The following CHEK2 variants were observed in gnomAD, a reference collection of about 807,000 sequenced individuals.
The protein encoded by CHEK2 is checkpoint kinase 2.
In CHEK2, 71 loss-of-function variants were observed where a neutral mutation model predicts 69.1. The ratio of observed to expected loss-of-function variants is 1.03; its 90% CI spans 0.85 to 1.25. CHEK2 has a LOEUF of 1.25. Ranked by LOEUF, CHEK2 falls within the 50% of genes most tolerant of loss-of-function variation. The pLI is 0.00. For synonymous variants in CHEK2, 189 were observed against 226.9 expected (o/e 0.83, Z 1.50); for missense variants, 664 against 649.6 (o/e 1.02, Z -0.24).
At chr22:28,734,778 T>C (rs2146159256) in intron 1 of CHEK2, 51 bp from the exon 2 acceptor site, 8 of 1,455,930 alleles carry the variant, frequency 5.5e-6, no homozygotes, top group Middle Eastern at 1.8e-4. Flanking sequence ...GCACAAGACT[T>C]AAAATTAAAA....
At chr22:28,696,789 T>C (rs2052601326) in intron 10 of CHEK2, 112 bp downstream of exon 10, 1 of 732,544 alleles carries the variant, frequency 1.4e-6, no homozygotes, top group South Asian at 1.5e-5. Flanking sequence ...TTGGTAACAG[T>C]GAAAGGGTCA....
intron 6 of CHEK2, among the ~76,000 whole-genome samples, chr22:28,710,339 AC>A: frequency 6.6e-6 from 1 of 152,170 alleles, no homozygotes; most frequent in South Asian, 2.1e-4. Flanking sequence ...TCCCCATCTT[AC>A]AGATGGGGCA....
At position 28,724,937 on chromosome 22, in the gene CHEK2, GA is replaced by G. The variant is rs17880603; in HGVS notation, c.592+39del. 793 of 1,521,280 alleles carry G rather than the reference GA, an allele frequency of 5.2e-4. 4 individuals carry two copies. The African/African-American group carries it at 8.2e-3, about 16-fold the overall frequency. The allele number at this position is 1,521,280 out of a possible 1,614,324, so 94.2% of individuals were successfully genotyped here. ...CAAATTTTCCTCCTATGAGAGAGTGGAAAAAAAAAATTCCAGTAACCATAAG... is the reference window on the plus strand; with the variant it reads ...CAAATTTTCCTCCTATGAGAGAGTGGAAAAAAAAATTCCAGTAACCATAAG... On this transcript the variant is annotated intron_variant, in intron 4 of 14. Coordinates refer to ENST00000404276, the MANE Select transcript of CHEK2 (RefSeq NM_007194.4).
chr22:28,693,064 T>C lies in CHEK2; in HGVS notation c.1461+968A>G, dbSNP rs577222128. 1.2e-4 allele frequency among the ~76,000 whole-genome samples: 18 copies of C among 152,254 alleles called. 1 individual carries two copies. The highest frequency in any genetic ancestry group is 3.9e-4 in the African/African-American group (16 of 41,546). ...TTACCCAGTCTTGGGCAGTTCTTTA[T>C]AGCAGTGTGAGAACAGACTAATACA... On this transcript the variant is annotated intron_variant, in intron 13 of 14. Transcript: ENST00000404276.
Position 28,741,779 on chromosome 22 carries a change from C to T in CHEK2, c.-17G>A, listed in dbSNP as rs887273410. The T allele has an allele frequency of 2.8e-5, 13 of 462,828 alleles. No individual in the cohort carries two copies. The highest frequency in any genetic ancestry group is 3.9e-5 in the Non-Finnish European group (10 of 253,298). The allele number at this position is 462,828 out of a possible 1,614,324, so 28.7% of individuals were successfully genotyped here. On this transcript the variant is annotated 5_prime_UTR_variant, in exon 1 of 15. Coordinates refer to ENST00000404276, the MANE Select transcript of CHEK2 (RefSeq NM_007194.4). The stretch of plus-strand genomic sequence containing the variant: ...CCCCATATGACTCACCGCGTGAGCC[C>T]ACCTGGAGCCGCACACTCTCCGCAG...
At chr22:28,701,296 C>T (rs963765996) in intron 8 of CHEK2, among the ~76,000 whole-genome samples, 1 of 152,054 alleles carries the variant, frequency 6.6e-6, no homozygotes, top group Non-Finnish European at 1.5e-5. Flanking sequence ...CTACAACCTC[C>T]GCCTCCCAGG....
intron 7 of CHEK2, chr22:28,709,047 C>T: frequency 2.8e-6 from 1 of 359,444 alleles, no homozygotes; most frequent in Non-Finnish European, 5.5e-6. Flanking sequence ...AGTTTAATGC[C>T]ATTGCCTAAT....
chr22:28,700,061 G>C (rs2145846778), intron 8 of CHEK2, 124 bp from the exon 9 acceptor site: 1 of 691,416 alleles, frequency 1.4e-6, no homozygotes, highest in South Asian at 1.8e-5. Context: ...ATTCACTTTT[G>C]ACTCTCATTT....
intron 1 of CHEK2, among the ~76,000 whole-genome samples, chr22:28,739,405 G>A (rs1434786224): frequency 6.6e-6 from 1 of 152,054 alleles, no homozygotes; most frequent in Non-Finnish European, 1.5e-5. Flanking sequence ...AAACTACAGT[G>A]AGGCCCGGGT....
intron 2 of CHEK2, chr22:28,727,831 C>T (rs1449436352): frequency 1.3e-5 from 2 of 152,134 alleles, no homozygotes; most frequent in African/African-American, 4.8e-5. Flanking sequence ...ATTAGATTGG[C>T]AAAAATCCAA....
chr22:28,733,922 CAA>C (rs545037765), intron 2 of CHEK2, among the ~76,000 whole-genome samples: 1,089 of 83,960 alleles, frequency 0.013, 12 homozygotes, highest in African/African-American at 0.044. Flanking sequence ...ACTCCGTTGC[CAA>C]AAAAAAAAAA....
intron 8 of CHEK2, among the ~76,000 whole-genome samples, chr22:28,702,121 T>TTGTGTGTG (rs1220287391): frequency 9.1e-5 from 6 of 66,266 alleles, no homozygotes; most frequent in African/African-American, 1.9e-4. Flanking sequence ...CCGGCTAATT[T>TTGTGTGTG]TGTGTGTGTG....
intron 2 of CHEK2, among the ~76,000 whole-genome samples, chr22:28,726,572 T>C (rs2054019997): frequency 6.8e-6 from 1 of 146,028 alleles, no homozygotes; most frequent in Non-Finnish European, 1.5e-5. Flanking sequence ...TATAATAATA[T>C]ATAATATATA....
At chr22:28,699,565 A>G (rs2052738789) in intron 9 of CHEK2, among the ~76,000 whole-genome samples, 1 of 151,710 alleles carries the variant, frequency 6.6e-6, no homozygotes, top group Non-Finnish European at 1.5e-5. Context: ...GGGTTTCACT[A>G]TGTTGGTCAG....
In CHEK2 at chr22:28,721,842, C is replaced by T. The variant is rs2053798176; in HGVS notation, c.593-2357G>A. Among the ~76,000 whole-genome samples, 3 of 151,862 alleles carry T rather than the reference C, an allele frequency of 2.0e-5. 1 individual carries two copies. The highest frequency in any genetic ancestry group is 4.2e-4 in the South Asian group (2 of 4,814). ...ACCTCCCAGGCTCAAGCAATCCTCC[C>T]ACCTCAGACTCCCAAGTAGCTGGGA... On this transcript the variant is annotated intron_variant, in intron 4 of 14. Transcript: ENST00000404276.
At chr22:28,731,159 T>C (rs534358161) in intron 2 of CHEK2, among the ~76,000 whole-genome samples, 1 of 152,130 alleles carries the variant, frequency 6.6e-6, no homozygotes, top group South Asian at 2.1e-4. Context: ...GCTGAGATTG[T>C]GCCACTGCAC....
In CHEK2 at chr22:28,717,099, C is replaced by A. The variant is rs2053612795; in HGVS notation, c.683+2296G>T. Among the ~76,000 whole-genome samples, 3 of 152,222 alleles carry A rather than the reference C, an allele frequency of 2.0e-5. No individual in the cohort carries two copies. The South Asian group carries it at 6.2e-4, about 31-fold the overall frequency. ...TTTTTTATAAAAAATGTTACTCAGG[C>A]CAGGCGCGGTGGCTCATGCCTATAA... On this transcript the variant is annotated intron_variant, in intron 5 of 14. Transcript: ENST00000404276.
intron 5 of CHEK2, among the ~76,000 whole-genome samples, chr22:28,713,198 T>C (rs1353037489): frequency 6.6e-6 from 1 of 152,226 alleles, no homozygotes; most frequent in African/African-American, 2.4e-5. Flanking sequence ...TATCACAGTT[T>C]ATCTATTCAC....
At chr22:28,699,512 G>A (rs942424625) in intron 9 of CHEK2, among the ~76,000 whole-genome samples, 7 of 151,614 alleles carry the variant, frequency 4.6e-5, no homozygotes, top group African/African-American at 1.2e-4. Context: ...CTACAGGCAC[G>A]CAACACTACA....
Sources: allele counts gnomAD v4.1 joint callset (sites outside exome capture counted in the v4.1 genomes callset), GRCh38; gene constraint gnomAD v4.1.1; transcripts MANE v1.5; gene names NCBI Gene and HGNC (gene_info 2026-07-23, HGNC 2026-07-21).